DPYSL2: variants seen among roughly 807,000 people sequenced by gnomAD.
DPYSL2 encodes dihydropyrimidinase-related protein 2.
Under a neutral mutation model 69.9 loss-of-function variants are expected in DPYSL2, and 13 were observed. The ratio of observed to expected loss-of-function variants is 0.19; its 90% CI spans 0.12 to 0.30. DPYSL2 has a LOEUF of 0.30. Ranked by LOEUF, DPYSL2 falls within the 10% of genes least tolerant of loss-of-function variation. The pLI, the probability that DPYSL2 is intolerant of heterozygous loss-of-function variation, is 1.00. For missense variants in DPYSL2, 587 were observed against 918.9 expected, an observed-to-expected ratio of 0.64 and a Z score of 4.67; for synonymous variants, 326 against 359.1, an observed-to-expected ratio of 0.91 and a Z score of 1.04.
chr8:26,560,275 C>T lies in DPYSL2; in HGVS notation c.355-21694C>T, dbSNP rs17319486. ...TTTCCATTCTCCAGGTCAGGCCTTC[C>T]ATGGATTATTTACAGAATGAGGAAT... On this transcript the variant is annotated intron_variant, in intron 1 of 13. Transcript: ENST00000521913. This position sits in a 1 kb window ranked among gnomAD's most constrained non-coding sequence, Gnocchi z 4.4. 0.07 allele frequency among the ~76,000 whole-genome samples: 10,630 copies of T among 152,196 alleles called. 451 individuals are homozygous for T. Among genetic ancestry groups the T allele is most frequent in the South Asian group, 0.22 (1,045 of 4,824 alleles).
Position 26,564,339 on chromosome 8 carries a change from A to G in DPYSL2, c.355-17630A>G, listed in dbSNP as rs761292720. On this transcript the variant is annotated intron_variant, in intron 1 of 13. Coordinates refer to ENST00000521913, the MANE Select transcript of DPYSL2 (RefSeq NM_001197293.3). This position sits in a 1 kb window ranked among gnomAD's most constrained non-coding sequence, Gnocchi z 4.8. ...CATGTAGGAACAGCAAGGCAGGGCA[A>G]TCGTGGTGAGGAGCACAGGGCCAGG... 1.3e-5 allele frequency among the ~76,000 whole-genome samples: 2 copies of G among 152,168 alleles called. No homozygotes were observed. The highest frequency in any genetic ancestry group is 2.9e-5 in the Non-Finnish European group (2 of 68,034).
In DPYSL2 at chr8:26,619,463, A is replaced by C. The variant is rs1360728545; in HGVS notation, c.629-4680A>C. On this transcript the variant is annotated intron_variant, in intron 3 of 13. Coordinates refer to ENST00000521913, the MANE Select transcript of DPYSL2 (RefSeq NM_001197293.3). The surrounding 1 kb of genome is among the most constrained non-coding windows in gnomAD (Gnocchi z 4.8). ...ATATGCAAGGAAGCCATGGGATTGCAGCCAGGGAACATGCTATTTTTTGTA... is the reference window on the plus strand; with the variant it reads ...ATATGCAAGGAAGCCATGGGATTGCCGCCAGGGAACATGCTATTTTTTGTA... 1.3e-5 allele frequency: 2 copies of C among 152,250 alleles called. No homozygotes were observed. Among genetic ancestry groups the C allele is most frequent in the African/African-American group, 4.8e-5 (2 of 41,456 alleles). The allele number at this position is 152,250 out of a possible 1,614,324, so 9.4% of individuals were successfully genotyped here.
chr8:26,523,720 G>A (rs1159085994), intron 1 of DPYSL2, among the ~76,000 whole-genome samples: 2 of 151,856 alleles, frequency 1.3e-5, no homozygotes. Context: ...GAGTGTAGTG[G>A]TGCCATCATA....
chr8:26,616,783 G>A (rs770595685), intron 3 of DPYSL2, among the ~76,000 whole-genome samples: 15 of 151,044 alleles, frequency 9.9e-5, no homozygotes, highest in South Asian at 2.1e-4. Flanking sequence ...GGGATTGGAG[G>A]GCTTGGTGAC....
At chr8:26,527,012 A>G (rs1808489583) in intron 1 of DPYSL2, among the ~76,000 whole-genome samples, 1 of 152,274 alleles carries the variant, frequency 6.6e-6, no homozygotes, top group South Asian at 2.1e-4. Context: ...ACAAAGAAGC[A>G]GTGATCACTC....
chr8:26,628,689 C>G (rs1386416044), intron 7 of DPYSL2, among the ~76,000 whole-genome samples: 1 of 152,196 alleles, frequency 6.6e-6, no homozygotes. Flanking sequence ...TCCAGGGAAC[C>G]ACCAGGATTT....
chr8:26,602,040 C>T (rs1802003691), intron 3 of DPYSL2, among the ~76,000 whole-genome samples: 1 of 151,406 alleles, frequency 6.6e-6, no homozygotes, highest in South Asian at 2.1e-4. Context: ...CTTATTTAGG[C>T]TTTTTATGAC....
rs1803072870 is a variant in DPYSL2 at position 26,642,510 on chromosome 8, A to G, written c.1127-929A>G. ...GAAGTGTCATGCGGAATGAATGGAGAGGTAGGAAGCGGGGTTGGGAGAGCA... is the reference window on the plus strand; with the variant it reads ...GAAGTGTCATGCGGAATGAATGGAGGGGTAGGAAGCGGGGTTGGGAGAGCA... On this transcript the variant is annotated intron_variant, in intron 8 of 13. Coordinates refer to ENST00000521913, the MANE Select transcript of DPYSL2 (RefSeq NM_001197293.3). This position sits in a 1 kb window ranked among gnomAD's most constrained non-coding sequence, Gnocchi z 5.3. 6.6e-6 allele frequency among the ~76,000 whole-genome samples: 1 copy of G among 152,140 alleles called. No individual in the cohort carries two copies. Among genetic ancestry groups the G allele is most frequent in the Non-Finnish European group, 1.5e-5 (1 of 68,018 alleles).
Position 26,643,547 on chromosome 8 carries a change from T to C in DPYSL2, c.1235T>C (p.Leu412Ser). ...GCTGCCTTTGTCACCTCCCCACCCTTGAGCCCTGATCCAACCACTCCAGAC... is the reference window on the plus strand; with the variant it reads ...GCTGCCTTTGTCACCTCCCCACCCTCGAGCCCTGATCCAACCACTCCAGAC... ...KAAAFVTSPP[L>S]SPDPTTPDFL... The change falls in exon 9 of 14, where the codon TTG becomes TCG. Residue 412 changes from leucine (L) to serine (S), a missense_variant. By Grantham distance (145) the Leu-to-Ser change is moderately radical. Coordinates refer to ENST00000521913, the MANE Select transcript of DPYSL2 (RefSeq NM_001197293.3). This position sits in a 1 kb window ranked among gnomAD's most constrained non-coding sequence, Gnocchi z 6.5. The C allele has an allele frequency of 6.2e-7, 1 of 1,613,790 alleles. No individual in the cohort carries two copies. Among genetic ancestry groups the C allele is most frequent in the Non-Finnish European group, 8.5e-7 (1 of 1,179,688 alleles).
At chr8:26,608,269 GA>G (rs956248638) in intron 3 of DPYSL2, among the ~76,000 whole-genome samples, 1 of 152,122 alleles carries the variant, frequency 6.6e-6, no homozygotes, top group Non-Finnish European at 1.5e-5. Flanking sequence ...AAGTAGATAG[GA>G]AAAAGATTGT....
intron 13 of DPYSL2, 36 bp from the exon 14 acceptor site, chr8:26,655,579 C>A (rs368601512): frequency 2.6e-6 from 4 of 1,554,072 alleles, no homozygotes; most frequent in Non-Finnish European, 3.5e-6. Flanking sequence ...ACTGTCCTGG[C>A]CCCTCACCCG....
chr8:26,644,431 T>C lies in DPYSL2; in HGVS notation c.1425+340T>C, dbSNP rs1037914845. Among the ~76,000 whole-genome samples, 56 of 152,222 alleles carry C rather than the reference T, an allele frequency of 3.7e-4. No homozygotes were observed. The highest frequency in any genetic ancestry group is 1.3e-3 in the African/African-American group (56 of 41,548). Reference sequence around the variant, plus strand: ...AGGTGATCCTCCCATCTCAGTCTCCTGAGTAGCTAGGACCACAGGCTCAGA... The same window carrying C: ...AGGTGATCCTCCCATCTCAGTCTCCCGAGTAGCTAGGACCACAGGCTCAGA... On this transcript the variant is annotated intron_variant, in intron 10 of 13. Coordinates refer to ENST00000521913, the MANE Select transcript of DPYSL2 (RefSeq NM_001197293.3). This position sits in a 1 kb window ranked among gnomAD's most constrained non-coding sequence, Gnocchi z 4.5.
At chr8:26,576,434 C>A (rs192951237) in intron 1 of DPYSL2, among the ~76,000 whole-genome samples, 75 of 152,134 alleles carry the variant, frequency 4.9e-4, no homozygotes, top group African/African-American at 1.8e-3. Flanking sequence ...CAGAGAAGCC[C>A]GAGCGCTACG....
At position 26,557,196 on chromosome 8, in the gene DPYSL2, C is replaced by T. The variant is rs963739995; in HGVS notation, c.355-24773C>T. ...GTCCATGAAAAAAATAATTGATAAG[C>T]TGGACTTCAAAAGTAAAAAACTTCT... On this transcript the variant is annotated intron_variant, in intron 1 of 13. Coordinates refer to ENST00000521913, the MANE Select transcript of DPYSL2 (RefSeq NM_001197293.3). Among the ~76,000 whole-genome samples, 9 of 9,172 alleles carry T rather than the reference C, an allele frequency of 9.8e-4. No individual in the cohort carries two copies. In the East Asian group the frequency reaches 0.08, roughly 82 times the overall value. The allele number at this position is 9,172 out of a possible 152,430, so 6.0% of individuals were successfully genotyped here.
Position 26,647,258 on chromosome 8 carries a change from G to A in DPYSL2, c.1426-372G>A, listed in dbSNP as rs1031686511. ...ACCAGGACACTGACAGTGTCACAAT[G>A]TGTGGGTATAGCTCTAGGCTGTGTG... is the stretch of plus-strand genomic sequence containing the variant. On this transcript the variant is annotated intron_variant, in intron 10 of 13. Coordinates refer to ENST00000521913, the MANE Select transcript of DPYSL2 (RefSeq NM_001197293.3). This position sits in a 1 kb window ranked among gnomAD's most constrained non-coding sequence, Gnocchi z 5.1. Among the ~76,000 whole-genome samples, 5 of 152,174 alleles carry A rather than the reference G, an allele frequency of 3.3e-5. No homozygotes were observed. The highest frequency in any genetic ancestry group is 1.9e-4 in the East Asian group (1 of 5,196).
At chr8:26,616,560 G>A (rs576541840) in intron 3 of DPYSL2, among the ~76,000 whole-genome samples, 9 of 152,298 alleles carry the variant, frequency 5.9e-5, no homozygotes, top group South Asian at 4.1e-4. Flanking sequence ...GAATGAGGCC[G>A]TGACTATTTG....
chr8:26,520,185 G>T (rs1018238769), intron 1 of DPYSL2, among the ~76,000 whole-genome samples: 3 of 152,108 alleles, frequency 2.0e-5, no homozygotes, highest in Non-Finnish European at 2.9e-5. Context: ...TTCACCATCT[G>T]CCATGATTGT....
chr8:26,577,076 C>T (rs1801363029), intron 1 of DPYSL2: 1 of 431,104 alleles, frequency 2.3e-6, no homozygotes, highest in African/African-American at 2.1e-5. Flanking sequence ...AAGGATGTTT[C>T]AGGGCGGGGT....
intron 1 of DPYSL2, among the ~76,000 whole-genome samples, chr8:26,528,430 C>T (rs1432128728): frequency 6.6e-6 from 1 of 152,006 alleles, no homozygotes; most frequent in Non-Finnish European, 1.5e-5. Context: ...GGGTGGATCC[C>T]GAGGTCAAGA....
Sources: gnomAD v4.1 joint callset for allele counts (sites outside exome capture counted in the v4.1 genomes callset) on GRCh38, gnomAD v4.1.1 for gene constraint, Gnocchi (gnomAD v3.1) non-coding constraint, MANE v1.5 for transcripts, NCBI Gene and HGNC (gene_info 2026-07-23, HGNC 2026-07-21) for gene names.